The following DMD variants were observed in gnomAD, a reference collection of about 807,000 sequenced individuals.
The protein encoded by DMD is mutant dystrophin.
DMD carries 63 observed loss-of-function variants against 330.1 expected under a neutral mutation model. The observed-to-expected ratio is 0.19, with a 90% CI of 0.16 to 0.24. The LOEUF is 0.24. Ranked by LOEUF, DMD falls within the 10% of genes least tolerant of loss-of-function variation. The pLI is 1.00. For synonymous variants in DMD, 1,223 were observed against 959.8 expected (o/e 1.27, Z -5.07); for missense variants, 3,344 against 2,684.1 (o/e 1.25, Z -5.43).
chrX:33,012,780 A>C (rs2093725349), intron 2 of DMD, among the ~76,000 whole-genome samples: 1 of 111,103 alleles, frequency 9.0e-6, no homozygotes, highest in Non-Finnish European at 1.9e-5. Flanking sequence ...AGGGTAGGCT[A>C]AGCTATGTTG....
chrX:32,482,762 G>C (rs1411058430), intron 21 of DMD, among the ~76,000 whole-genome samples: 1 of 111,084 alleles, frequency 9.0e-6, no homozygotes, highest in Non-Finnish European at 1.9e-5. Flanking sequence ...AATTAGTTAT[G>C]CATAGAGTAA....
At chrX:32,941,041 A>C (rs767468386) in intron 2 of DMD, among the ~76,000 whole-genome samples, 28 of 112,184 alleles carry the variant, frequency 2.5e-4, no homozygotes, top group Non-Finnish European at 4.9e-4. Flanking sequence ...CTACAAGCAT[A>C]TGAAAAAATG....
chrX:31,919,078 G>T (rs1331207738), intron 47 of DMD, among the ~76,000 whole-genome samples: 4 of 111,503 alleles, frequency 3.6e-5, no homozygotes, highest in African/African-American at 1.3e-4. Flanking sequence ...ATGAATAAGG[G>T]CCTATATAGC....
intron 15 of DMD, among the ~76,000 whole-genome samples, chrX:32,571,179 G>A (rs765667365): frequency 5.8e-4 from 65 of 111,588 alleles, no homozygotes; most frequent in Non-Finnish European, 1.1e-3. Flanking sequence ...ATATATCTTC[G>A]CTCCTAATCA....
At chrX:31,721,666 C>A (rs1392599839) in intron 52 of DMD, among the ~76,000 whole-genome samples, 5 of 61,731 alleles carry the variant, frequency 8.1e-5, no homozygotes, top group African/African-American at 1.5e-4. Flanking sequence ...GTATTATTAC[C>A]AATCTCTCTC....
At chrX:32,629,952 T>C (rs1267370790) in intron 11 of DMD, among the ~76,000 whole-genome samples, 1 of 111,550 alleles carries the variant, frequency 9.0e-6, no homozygotes, top group Non-Finnish European at 1.9e-5. Flanking sequence ...ATATGGGTAG[T>C]TGAGACATCA....
At chrX:32,730,125 G>C (rs948795948) in intron 7 of DMD, among the ~76,000 whole-genome samples, 3 of 111,750 alleles carry the variant, frequency 2.7e-5, no homozygotes, top group Non-Finnish European at 5.6e-5. Context: ...TTGAGGCCAG[G>C]AGTTTGAGAC....
At chrX:33,237,156 T>C (rs1603423235) in intron 1 of DMD, among the ~76,000 whole-genome samples, 3 of 107,145 alleles carry the variant, frequency 2.8e-5, no homozygotes, top group South Asian at 4.2e-4. Context: ...ACGCACGCCA[T>C]TGGTTTCCTC....
chrX:32,571,368 G>A (rs1374962383), intron 15 of DMD, among the ~76,000 whole-genome samples: 1 of 111,555 alleles, frequency 9.0e-6, no homozygotes, highest in Non-Finnish European at 1.9e-5. Context: ...TCCTCTCTGT[G>A]GCATGTGACA....
At chrX:32,811,813 G>A (rs2077388480) in intron 6 of DMD, among the ~76,000 whole-genome samples, 2 of 111,607 alleles carry the variant, frequency 1.8e-5, no homozygotes, top group African/African-American at 3.3e-5. Flanking sequence ...TTCTGAGGCT[G>A]AAAGACAGAT....
At position 31,592,858 on chromosome X, in the gene DMD, C is replaced by G. The variant is rs2076941245; in HGVS notation, c.8217+34815G>C. On this transcript the variant is annotated intron_variant, in intron 55 of 78. Coordinates refer to ENST00000357033, the MANE Select transcript of DMD (RefSeq NM_004006.3). Reference sequence around the variant, plus strand: ...ATCATATTATTAAAGGTAGTTATGTCTATTCTCGAAAATAAACATATCTTT... The same window carrying G: ...ATCATATTATTAAAGGTAGTTATGTGTATTCTCGAAAATAAACATATCTTT... Among the ~76,000 whole-genome samples the G allele has an allele frequency of 2.7e-5, 3 of 110,418 alleles. No homozygotes were observed. The South Asian group carries it at 1.1e-3, about 42-fold the overall frequency.
intron 1 of DMD, among the ~76,000 whole-genome samples, chrX:33,248,549 T>C (rs1286921853): frequency 9.0e-6 from 1 of 111,591 alleles, no homozygotes; most frequent in Non-Finnish European, 1.9e-5. Context: ...CTAATTGTCA[T>C]TTTTTTACAG....
At chrX:31,653,549 T>TA (rs1263293494) in intron 54 of DMD, among the ~76,000 whole-genome samples, 1 of 109,947 alleles carries the variant, frequency 9.1e-6, no homozygotes, top group East Asian at 2.9e-4. Flanking sequence ...GAAGCCCTCA[T>TA]ACAGCTACAA....
intron 18 of DMD, among the ~76,000 whole-genome samples, chrX:32,506,548 ATTTTG>A (rs1271692060): frequency 1.8e-5 from 2 of 111,191 alleles, no homozygotes; most frequent in East Asian, 2.8e-4. Context: ...TAAGGTAGTA[ATTTTG>A]TTTTATTTTC....
At chrX:32,414,367 C>T (rs1422898834) in intron 29 of DMD, among the ~76,000 whole-genome samples, 4 of 111,808 alleles carry the variant, frequency 3.6e-5, no homozygotes, top group African/African-American at 9.7e-5. Context: ...AGTTAGAGCA[C>T]GTAACATGAT....
chrX:33,202,260 G>A (rs771579799), intron 1 of DMD, among the ~76,000 whole-genome samples: 98 of 111,283 alleles, frequency 8.8e-4, no homozygotes, highest in African/African-American at 3.1e-3. Flanking sequence ...CTGAGAGATC[G>A]TGACAACTGA....
intron 27 of DMD, among the ~76,000 whole-genome samples, chrX:32,441,955 G>A (rs1169802657): frequency 1.8e-5 from 2 of 110,155 alleles, no homozygotes; most frequent in African/African-American, 6.6e-5. Flanking sequence ...TTTCCTTGAG[G>A]TATATTATCG....
At chrX:32,375,598 T>C (rs1236476952) in intron 34 of DMD, among the ~76,000 whole-genome samples, 1 of 112,273 alleles carries the variant, frequency 8.9e-6, no homozygotes, top group Non-Finnish European at 1.9e-5. Flanking sequence ...TCTTAAGGAA[T>C]GAAATATTAC....
intron 61 of DMD, among the ~76,000 whole-genome samples, chrX:31,346,201 C>T (rs1188440441): frequency 2.7e-5 from 3 of 111,441 alleles, no homozygotes; most frequent in African/African-American, 9.8e-5. Flanking sequence ...CTGGAGCCAA[C>T]TTCTTGAGTT....
Sources: gnomAD v4.1 joint callset for allele counts (sites outside exome capture counted in the v4.1 genomes callset) on GRCh38, gnomAD v4.1.1 for gene constraint, MANE v1.5 for transcripts, NCBI Gene and HGNC (gene_info 2026-07-23, HGNC 2026-07-21) for gene names.